The following URI1 variants were observed in gnomAD, a reference collection of about 807,000 sequenced individuals.
The protein encoded by URI1 is URI1 prefoldin like chaperone, also known as unconventional prefoldin RPB5 interactor 1.
A neutral mutation model predicts 60.2 loss-of-function variants in URI1; 39 were observed. The observed-to-expected ratio is 0.65, with a 90% CI of 0.50 to 0.85. The LOEUF (loss-of-function observed/expected upper bound fraction) is 0.85, where lower values mean the gene tolerates loss of function less well. Among genes scored for constraint, URI1 ranks in the 40% least tolerant of loss-of-function variants. URI1 has a pLI of 0.00. For synonymous variants in URI1, 251 were observed against 236.8 expected (o/e 1.06, Z -0.55); for missense variants, 691 against 665.9 (o/e 1.04, Z -0.42).
chr19:29,967,931 T>C lies in URI1; in HGVS notation c.118-3262T>C, dbSNP rs563902541. Among the ~76,000 whole-genome samples the C allele has an allele frequency of 1.3e-4, 20 of 152,324 alleles. No homozygotes were observed. The East Asian group carries it at 3.7e-3, about 28-fold the overall frequency. On this transcript the variant is annotated intron_variant, in intron 1 of 10. Transcript: ENST00000392271. ...TTGCAGTTCGTTTTGTCACATGCAG[T>C]GTTGGCATATACTCCTGTTGTTATT...
chr19:29,931,910 T>TTGTGTGTGTGTG (rs56181840), intron 1 of URI1, among the ~76,000 whole-genome samples: 6,114 of 139,936 alleles, frequency 0.044, 246 homozygotes, highest in East Asian at 0.084. Context: ...GCTCTAACAG[T>TTGTGTGTGTGTG]TGTGTGTGTG....
chr19:29,980,660 C>T (rs889388408), intron 2 of URI1, among the ~76,000 whole-genome samples: 8 of 143,008 alleles, frequency 5.6e-5, no homozygotes, highest in African/African-American at 2.1e-4. Context: ...CATGGTGGCT[C>T]ACACCTGTAA....
chr19:30,001,479 T>C (rs2055877545), intron 4 of URI1, among the ~76,000 whole-genome samples: 1 of 151,878 alleles, frequency 6.6e-6, no homozygotes, highest in African/African-American at 2.4e-5. Flanking sequence ...TTCTATTCTC[T>C]TTCCACTTCC....
At chr19:29,933,489 T>A (rs781387471) in intron 1 of URI1, among the ~76,000 whole-genome samples, 1 of 152,190 alleles carries the variant, frequency 6.6e-6, no homozygotes, top group Non-Finnish European at 1.5e-5. Flanking sequence ...TTGACTCTTT[T>A]CTCTTTTTTT....
intron 6 of URI1, among the ~76,000 whole-genome samples, chr19:30,006,472 G>A (rs1253142224): frequency 6.6e-6 from 1 of 152,050 alleles, no homozygotes; most frequent in Admixed American, 6.6e-5. Context: ...GCTTTAGAAG[G>A]TGAAATAAAG....
At chr19:29,971,763 A>G (rs935643450) in intron 2 of URI1, among the ~76,000 whole-genome samples, 4 of 151,866 alleles carry the variant, frequency 2.6e-5, no homozygotes, top group Non-Finnish European at 5.9e-5. Flanking sequence ...TGTTTGGTAA[A>G]TAACACACTT....
Position 29,990,630 on chromosome 19 carries a change from T to C in URI1, c.367+4213T>C, listed in dbSNP as rs916870735. On this transcript the variant is annotated intron_variant, in intron 4 of 10. Coordinates refer to ENST00000392271, the MANE Select transcript of URI1 (RefSeq NM_003796.3). ...AAACCAGTCACAAAAGACCATATAT[T>C]GTATGATTCCATTTACATGAAATAT... 4.6e-5 allele frequency among the ~76,000 whole-genome samples: 7 copies of C among 152,172 alleles called. 1 individual carries two copies. The highest frequency in any genetic ancestry group is 4.6e-4 in the Admixed American group (7 of 15,272).
At chr19:29,933,017 T>C (rs2054936196) in intron 1 of URI1, among the ~76,000 whole-genome samples, 1 of 152,192 alleles carries the variant, frequency 6.6e-6, no homozygotes, top group Non-Finnish European at 1.5e-5. Context: ...CACTTGTTCA[T>C]GGTATATAAT....
At chr19:29,963,468 A>C (rs2055351677) in intron 1 of URI1, among the ~76,000 whole-genome samples, 1 of 152,128 alleles carries the variant, frequency 6.6e-6, no homozygotes, top group Non-Finnish European at 1.5e-5. Flanking sequence ...TCTCTAGTGA[A>C]AATTGCTATT....
In URI1 at chr19:29,944,177, A is replaced by T. The variant is rs1441082622; in HGVS notation, c.117+1513A>T. ...TATATATATATATATATATATATATATATATATATATATATAAAACTTAAC... is the reference window on the plus strand; with the variant it reads ...TATATATATATATATATATATATATTTATATATATATATATAAAACTTAAC... On this transcript the variant is annotated intron_variant, in intron 1 of 10. Coordinates refer to ENST00000392271, the MANE Select transcript of URI1 (RefSeq NM_003796.3). Among the ~76,000 whole-genome samples the T allele has an allele frequency of 8.1e-5, 7 of 86,746 alleles. 1 individual carries two copies. The highest frequency in any genetic ancestry group is 4.0e-4 in the African/African-American group (7 of 17,602). 56.9% of individuals were successfully genotyped at this position (86,746 alleles called of 152,430 possible). A position where few individuals can be genotyped will look rare whatever the true frequency, so the allele number is the denominator to read the frequency against.
At chr19:29,967,651 A>C (rs2055406495) in intron 1 of URI1, among the ~76,000 whole-genome samples, 1 of 152,198 alleles carries the variant, frequency 6.6e-6, no homozygotes, top group Non-Finnish European at 1.5e-5. Context: ...AATAGCAGTC[A>C]GTGTTTTAAG....
chr19:29,925,016 G>T, intron 1 of URI1, among the ~76,000 whole-genome samples: 1 of 151,926 alleles, frequency 6.6e-6, no homozygotes, highest in Non-Finnish European at 1.5e-5. Context: ...TTGTATTTTT[G>T]GTAGAGACGG....
intron 2 of URI1, chr19:29,980,392 C>T (rs394309): frequency 1.3e-5 from 2 of 151,852 alleles, no homozygotes; most frequent in Non-Finnish European, 2.9e-5. Flanking sequence ...AAAATTATTT[C>T]TAAAGAAGGT....
At chr19:29,961,481 C>T (rs1202855252) in intron 1 of URI1, among the ~76,000 whole-genome samples, 1 of 151,976 alleles carries the variant, frequency 6.6e-6, no homozygotes, top group Non-Finnish European at 1.5e-5. Context: ...TGGCACATAT[C>T]AGAATTTCTT....
Position 29,923,773 on chromosome 19 carries a change from G to A in URI1, c.63+19G>A, listed in dbSNP as rs550808675. On this transcript the variant is annotated intron_variant, in intron 1 of 10. Coordinates refer to the URI1 transcript ENST00000360605. ...TGCATTGGTGAGTTGAAGCTTGACA[G>A]TGTTATAGCTTCTCTGCTGTTAGTG... is the stretch of plus-strand genomic sequence containing the variant. 2.2e-4 allele frequency: 344 copies of A among 1,534,162 alleles called. 1 individual carries two copies. In the African/African-American group the frequency reaches 4.4e-3, roughly 20 times the overall value.
intron 4 of URI1, among the ~76,000 whole-genome samples, chr19:29,992,944 GT>G (rs1172344334): frequency 6.6e-6 from 1 of 152,184 alleles, no homozygotes; most frequent in African/African-American, 2.4e-5. Flanking sequence ...CTAGTCATTA[GT>G]CCAGTGATTA....
At chr19:29,970,128 ATTTTTTTTTTTT>A (rs199739403) in intron 1 of URI1, among the ~76,000 whole-genome samples, 7,854 of 74,546 alleles carry the variant, frequency 0.11, 293 homozygotes, top group Middle Eastern at 0.2. Context: ...AATCGTGTGT[ATTTTTTTTTTTT>A]TTTTTTTTTT....
chr19:30,011,570 T>A (rs1373048542), intron 9 of URI1, among the ~76,000 whole-genome samples: 1 of 151,888 alleles, frequency 6.6e-6, no homozygotes, highest in East Asian at 1.9e-4. Context: ...AGCCGTAACA[T>A]GCTTGGCATG....
intron 1 of URI1, among the ~76,000 whole-genome samples, chr19:29,964,464 GTT>G (rs373357906): frequency 2.2e-4 from 28 of 124,638 alleles, no homozygotes; most frequent in South Asian, 5.2e-4. Flanking sequence ...TTTTTGTTTT[GTT>G]TTTTTTTTTT....
Sources: allele counts gnomAD v4.1 joint callset (sites outside exome capture counted in the v4.1 genomes callset), GRCh38; gene constraint gnomAD v4.1.1; transcripts MANE v1.5; gene names NCBI Gene and HGNC (gene_info 2026-07-23, HGNC 2026-07-21).